Variants in AUTS2 observed in about 807,000 individuals in gnomAD.
AUTS2 encodes autism susceptibility gene 2 protein.
In AUTS2, 17 loss-of-function variants were observed where a neutral mutation model predicts 112.4. The ratio of observed to expected loss-of-function variants is 0.15; its 90% CI spans 0.10 to 0.23. The LOEUF (loss-of-function observed/expected upper bound fraction) is 0.23. Among genes scored for constraint, AUTS2 ranks in the 10% least tolerant of loss-of-function variants. The probability of loss-of-function intolerance (pLI) is 1.00; values close to 1 mark genes in which losing one functional copy is unlikely to be tolerated. For synonymous variants in AUTS2, 751 were observed against 702.7 expected (o/e 1.07, Z -1.09); for missense variants, 1,510 against 1,701.6 (o/e 0.89, Z 1.98).
chr7:70,711,291 A>G (rs1810037787), intron 6 of AUTS2, among the ~76,000 whole-genome samples: 1 of 152,196 alleles, frequency 6.6e-6, no homozygotes, highest in Non-Finnish European at 1.5e-5. Context: ...TTGGCATTTT[A>G]AAAGTTAAGT....
chr7:70,078,882 A>G (rs1278774625), intron 2 of AUTS2, among the ~76,000 whole-genome samples: 1 of 152,206 alleles, frequency 6.6e-6, no homozygotes, highest in African/African-American at 2.4e-5. Flanking sequence ...TCATGTTTTC[A>G]TTGCATTCTG....
chr7:70,034,988 C>T (rs1205461575), intron 2 of AUTS2, among the ~76,000 whole-genome samples: 6 of 152,144 alleles, frequency 3.9e-5, no homozygotes, highest in African/African-American at 9.7e-5. Flanking sequence ...CGTGCCATTA[C>T]GCCTGGCTCA....
chr7:70,020,117 G>C (rs1800205614), intron 2 of AUTS2, among the ~76,000 whole-genome samples: 1 of 152,174 alleles, frequency 6.6e-6, no homozygotes, highest in East Asian at 1.9e-4. Flanking sequence ...TTGATGCATA[G>C]GGACACGGTG....
chr7:69,914,476 G>A (rs1795492789), intron 2 of AUTS2, among the ~76,000 whole-genome samples: 3 of 151,424 alleles, frequency 2.0e-5, no homozygotes, highest in South Asian at 4.2e-4. Context: ...ACTGATGAGC[G>A]CATGCTGCAC....
rs1791831972 is a variant in AUTS2, at chr7:70,790,322, A to G, written c.3106A>G (p.Ser1036Gly). The change falls in exon 19 of 19, where the codon AGC becomes GGC. Residue 1036 changes from serine (S) to glycine (G), a missense_variant. Ser to Gly is a moderately conservative substitution (Grantham distance 56, BLOSUM62 0). This residue lies in a region of AUTS2 where 788 missense variants were observed against 797.6 expected (regional missense o/e 0.99). Coordinates refer to ENST00000342771, the MANE Select transcript of AUTS2 (RefSeq NM_015570.4). The surrounding 1 kb of genome is among the most constrained non-coding windows in gnomAD (Gnocchi z 7.6). ...VGVTGIHPMN[S>G]ISSLDRTRMM... ...GGTGACGGGCATTCACCCCATGAAC[A>G]GCATCAGCAGCCTGGACAGGACTCG... 6.2e-7 allele frequency: 1 copy of G among 1,613,768 alleles called. No homozygotes were observed. The highest frequency in any genetic ancestry group is 8.5e-7 in the Non-Finnish European group (1 of 1,180,026).
intron 1 of AUTS2, among the ~76,000 whole-genome samples, chr7:69,697,615 T>C (rs1382262636): frequency 6.6e-6 from 1 of 152,230 alleles, no homozygotes; most frequent in Non-Finnish European, 1.5e-5. Context: ...AGGATTTTGT[T>C]AGTGCTCAGA....
At chr7:70,102,424 G>A (rs1804549219) in intron 2 of AUTS2, among the ~76,000 whole-genome samples, 1 of 151,666 alleles carries the variant, frequency 6.6e-6, no homozygotes, top group Non-Finnish European at 1.5e-5. Flanking sequence ...AGCCTGCAGT[G>A]TTTACTTTTT....
At chr7:70,678,307 C>A (rs976421706) in intron 5 of AUTS2, among the ~76,000 whole-genome samples, 1 of 152,042 alleles carries the variant, frequency 6.6e-6, no homozygotes. Flanking sequence ...AGTGTGTATG[C>A]TTAATACACA....
chr7:70,071,635 G>T (rs1802772358), intron 2 of AUTS2, among the ~76,000 whole-genome samples: 1 of 152,116 alleles, frequency 6.6e-6, no homozygotes, highest in South Asian at 2.1e-4. Flanking sequence ...TCTGATGCTG[G>T]CAGATTACAA....
intron 16 of AUTS2, among the ~76,000 whole-genome samples, 162 bp downstream of exon 16, chr7:70,785,181 C>G (rs1791367453): frequency 6.6e-6 from 1 of 152,246 alleles, no homozygotes; most frequent in African/African-American, 2.4e-5. Flanking sequence ...TCAGTACATC[C>G]CGTCCAGCTT....
At chr7:70,719,991 G>A (rs565974892) in intron 6 of AUTS2, among the ~76,000 whole-genome samples, 1 of 152,288 alleles carries the variant, frequency 6.6e-6, no homozygotes, top group Non-Finnish European at 1.5e-5. Context: ...TTTTACACAA[G>A]TACAAGCATC....
chr7:69,855,342 G>T (rs1792673141), intron 1 of AUTS2, among the ~76,000 whole-genome samples: 2 of 152,148 alleles, frequency 1.3e-5, no homozygotes, highest in South Asian at 4.2e-4. Context: ...TTTATTATTG[G>T]ACAGGCTAAT....
intron 1 of AUTS2, among the ~76,000 whole-genome samples, chr7:69,702,434 A>G (rs1378763103): frequency 6.6e-6 from 1 of 152,172 alleles, no homozygotes; most frequent in Non-Finnish European, 1.5e-5. Context: ...AAAGGTACAT[A>G]CTTAGGGTCT....
chr7:70,786,158 T>TATC, intron 17 of AUTS2, 120 bp downstream of exon 17: 1 of 828,414 alleles, frequency 1.2e-6, no homozygotes, highest in Non-Finnish European at 1.9e-6. Context: ...GTGTAGGTTA[T>TATC]ATCACTGCAA....
At chr7:69,918,249 G>A (rs893648149) in intron 2 of AUTS2, among the ~76,000 whole-genome samples, 1 of 152,126 alleles carries the variant, frequency 6.6e-6, no homozygotes, top group South Asian at 2.1e-4. Context: ...AAAGATTACT[G>A]CAAATTTTGG....
At chr7:70,723,689 C>T (rs892570000) in intron 6 of AUTS2, among the ~76,000 whole-genome samples, 4 of 95,126 alleles carry the variant, frequency 4.2e-5, no homozygotes, top group African/African-American at 6.4e-5. Context: ...AAAATACTCG[C>T]GTAGCTCTGC....
intron 5 of AUTS2, among the ~76,000 whole-genome samples, chr7:70,562,849 G>C (rs1406669709): frequency 6.6e-6 from 1 of 152,220 alleles, no homozygotes; most frequent in Non-Finnish European, 1.5e-5. Context: ...AAATGAATAA[G>C]CAAATGACAA....
intron 2 of AUTS2, among the ~76,000 whole-genome samples, chr7:70,023,199 A>G (rs1584593947): frequency 6.6e-6 from 1 of 152,234 alleles, no homozygotes; most frequent in Non-Finnish European, 1.5e-5. Context: ...TTATAAGATC[A>G]TTATCACCGA....
chr7:70,684,878 CATT>C (rs1313975747), intron 5 of AUTS2, among the ~76,000 whole-genome samples: 3 of 152,150 alleles, frequency 2.0e-5, no homozygotes, highest in Admixed American at 6.5e-5. Flanking sequence ...GAGCAAACGA[CATT>C]ATAATTGTAG....
Sources: allele counts gnomAD v4.1 joint callset (sites outside exome capture counted in the v4.1 genomes callset), GRCh38; gene constraint gnomAD v4.1.1; regional missense constraint gnomAD v4.1.1; non-coding constraint Gnocchi (gnomAD v3.1); transcripts MANE v1.5; gene names NCBI Gene and HGNC (gene_info 2026-07-23, HGNC 2026-07-21).